PDE4D: variants seen among roughly 807,000 people sequenced by gnomAD.
The protein encoded by PDE4D is 3',5'-cyclic-AMP phosphodiesterase 4D.
PDE4D carries 24 observed loss-of-function variants against 87.4 expected under a neutral mutation model. The ratio of observed to expected loss-of-function variants is 0.27; its 90% confidence interval spans 0.20 to 0.39. The LOEUF is 0.39. PDE4D is among the 10% of genes least tolerant of loss of function. The pLI is 1.00. For synonymous variants in PDE4D, 384 were observed against 383.2 expected (o/e 1.00, Z -0.02); for missense variants, 714 against 1,041.0 (o/e 0.69, Z 4.32).
chr5:60,299,056 G>A (rs55946887), intron 1 of PDE4D, among the ~76,000 whole-genome samples: 15,096 of 152,208 alleles, frequency 0.099, 1,026 homozygotes, highest in South Asian at 0.29. Flanking sequence ...TTCATTCCAA[G>A]TGGAGTCGGA....
chr5:58,992,631 T>C (rs1210212811), intron 7 of PDE4D, among the ~76,000 whole-genome samples: 5 of 152,180 alleles, frequency 3.3e-5, no homozygotes, highest in African/African-American at 4.8e-5. Context: ...TATTACCTGA[T>C]AAGTGAATAC....
chr5:59,126,227 A>C (rs1041936473), intron 5 of PDE4D, among the ~76,000 whole-genome samples: 1 of 152,168 alleles, frequency 6.6e-6, no homozygotes. Context: ...AGACAAAACA[A>C]AAATGAAAGC....
At chr5:60,388,222 C>T (rs1762326459) in intron 1 of PDE4D, among the ~76,000 whole-genome samples, 1 of 152,082 alleles carries the variant, frequency 6.6e-6, no homozygotes, top group South Asian at 2.1e-4. Flanking sequence ...ACATGATTGA[C>T]AACCCTGTAG....
At chr5:59,669,092 T>C (rs542325657) in intron 1 of PDE4D, among the ~76,000 whole-genome samples, 10 of 152,242 alleles carry the variant, frequency 6.6e-5, no homozygotes, top group Admixed American at 1.3e-4. Flanking sequence ...AGATGGCTAG[T>C]TCCCTTTATT....
chr5:59,730,269 G>C (rs891690168), intron 1 of PDE4D, among the ~76,000 whole-genome samples: 3 of 152,056 alleles, frequency 2.0e-5, no homozygotes, highest in African/African-American at 4.8e-5. Flanking sequence ...GTTCCGATAC[G>C]TGCAAAGCTT....
intron 6 of PDE4D, chr5:58,999,924 T>A: frequency 1.0e-6 from 1 of 985,860 alleles, no homozygotes; most frequent in Non-Finnish European, 1.2e-6. Flanking sequence ...AGCTACCAAA[T>A]AAGGAACTGC....
intron 2 of PDE4D, chr5:60,021,426 G>A (rs1035756055): frequency 6.6e-6 from 1 of 152,198 alleles, no homozygotes; most frequent in Non-Finnish European, 1.5e-5. Context: ...TCACGCTGTA[G>A]CCACCTTGAG....
At chr5:60,314,105 G>GA (rs1383905449) in intron 1 of PDE4D, among the ~76,000 whole-genome samples, 3 of 149,764 alleles carry the variant, frequency 2.0e-5, no homozygotes, top group Non-Finnish European at 4.4e-5. Context: ...ACAGGCAAGA[G>GA]AAAAAAATAA....
chr5:59,448,075 A>C (rs1798602702), intron 1 of PDE4D, among the ~76,000 whole-genome samples: 1 of 152,240 alleles, frequency 6.6e-6, no homozygotes. Context: ...TGAAACAAAG[A>C]AGCTCATCGT....
intron 2 of PDE4D, among the ~76,000 whole-genome samples, chr5:60,099,358 A>C (rs756404165): frequency 6.6e-5 from 10 of 151,994 alleles, no homozygotes; most frequent in Non-Finnish European, 1.3e-4. Context: ...ACATTTGGGA[A>C]GTTTTAGCCA....
chr5:60,500,423 T>C (rs536947237), intron 1 of PDE4D, among the ~76,000 whole-genome samples: 140 of 152,360 alleles, frequency 9.2e-4, no homozygotes, highest in African/African-American at 3.2e-3. Context: ...TATGTAATAC[T>C]ACATTAGAGA....
chr5:60,245,676 A>G (rs1328860668), intron 1 of PDE4D, among the ~76,000 whole-genome samples: 1 of 152,058 alleles, frequency 6.6e-6, no homozygotes, highest in African/African-American at 2.4e-5. Context: ...AGCCAGACAC[A>G]GAAAGACAAA....
At chr5:58,991,697 C>T (rs1747951106) in intron 8 of PDE4D, 135 bp downstream of exon 8, 1 of 509,834 alleles carries the variant, frequency 2.0e-6, no homozygotes. Context: ...TATAAAATGC[C>T]TTCCCATCTT....
intron 1 of PDE4D, among the ~76,000 whole-genome samples, chr5:59,535,071 GTGT>G (rs1814914554): frequency 3.6e-5 from 3 of 83,048 alleles, no homozygotes; most frequent in South Asian, 1.3e-3. Flanking sequence ...GTGTGTGTGT[GTGT>G]GTGGGGGGGG....
At chr5:59,178,263 C>T (rs892193907) in intron 5 of PDE4D, among the ~76,000 whole-genome samples, 1 of 152,184 alleles carries the variant, frequency 6.6e-6, no homozygotes, top group East Asian at 1.9e-4. Flanking sequence ...GCAAGAAAAA[C>T]GACTTCCCAG....
intron 1 of PDE4D, among the ~76,000 whole-genome samples, chr5:59,335,383 C>G (rs1474047208): frequency 6.6e-6 from 1 of 152,172 alleles, no homozygotes. Context: ...GTGCCCATAA[C>G]TCAGGAAAAG....
intron 1 of PDE4D, among the ~76,000 whole-genome samples, chr5:60,193,745 T>C (rs1195079628): frequency 7.6e-6 from 1 of 131,026 alleles, no homozygotes; most frequent in Non-Finnish European, 1.7e-5. Context: ...TCAAGAAAAA[T>C]ATTTTTAAAA....
intron 1 of PDE4D, among the ~76,000 whole-genome samples, chr5:59,520,156 C>T (rs1009779644): frequency 6.6e-5 from 10 of 151,976 alleles, no homozygotes; most frequent in Admixed American, 5.9e-4. Context: ...CCAGCTACTT[C>T]GAAGGCTAAG....
chr5:59,299,780 C>T (rs7703022), intron 1 of PDE4D, among the ~76,000 whole-genome samples: 60,959 of 151,886 alleles, frequency 0.4, 12,765 homozygotes, highest in Admixed American at 0.5. Flanking sequence ...TGAAATAAAA[C>T]GCCATGGGGT....
Sources: allele counts gnomAD v4.1 joint callset (sites outside exome capture counted in the v4.1 genomes callset), GRCh38; gene constraint gnomAD v4.1.1; transcripts MANE v1.5; gene names NCBI Gene and HGNC (gene_info 2026-07-23, HGNC 2026-07-21).